Variants in IGSF5 observed in about 807,000 individuals in gnomAD.
IGSF5 encodes immunoglobulin superfamily 5 like.
IGSF5 carries 41 observed loss-of-function variants against 39.4 expected under a neutral mutation model. The ratio of observed to expected loss-of-function variants is 1.04; its 90% CI spans 0.81 to 1.35. The LOEUF is 1.35. Among genes scored for constraint, IGSF5 ranks in the 40% most tolerant of loss-of-function variants. The probability of loss-of-function intolerance (pLI) is 0.00; values close to 1 mark genes in which losing one functional copy is unlikely to be tolerated. For synonymous variants in IGSF5, 183 were observed against 175.3 expected (o/e 1.04, Z -0.34); for missense variants, 487 against 494.6 (o/e 0.98, Z 0.15).
upstream of IGSF5, among the ~76,000 whole-genome samples, chr21:39,742,562 G>A (rs2079952962): frequency 1.3e-5 from 2 of 152,220 alleles, no homozygotes; most frequent in Admixed American, 1.3e-4. Context: ...CTGACTCAGA[G>A]GACCTTCATC....
At chr21:39,784,729 C>T (rs1448854920) in intron 5 of IGSF5, among the ~76,000 whole-genome samples, 1 of 151,014 alleles carries the variant, frequency 6.6e-6, no homozygotes, top group Non-Finnish European at 1.5e-5. Flanking sequence ...TTATGCTATA[C>T]CTTTACATAA....
intron 2 of IGSF5, among the ~76,000 whole-genome samples, chr21:39,755,200 AT>A (rs1310647464): frequency 2.6e-5 from 4 of 152,322 alleles, no homozygotes; most frequent in Middle Eastern, 3.4e-3. Context: ...GTAATTTTTT[AT>A]AACTGGACGA....
Position 39,793,517 on chromosome 21 carries a change from T to C in IGSF5, c.1049-17T>C. The C allele has an allele frequency of 6.2e-7, 1 of 1,607,442 alleles. No homozygotes were observed. Among genetic ancestry groups the C allele is most frequent in the Non-Finnish European group, 8.5e-7 (1 of 1,174,262 alleles). ...TTTTTGCCACTTAATGACTCTAAAA[T>C]TGTTCTTCTGTTGCAGACACCGCTT... On this transcript the variant is annotated splice_polypyrimidine_tract_variant and intron_variant, in intron 7 of 8. Transcript: ENST00000380588.
rs764665390 is a variant in IGSF5, at chr21:39,765,810, C to T, written c.376C>T (p.Gln126Ter). The T allele has an allele frequency of 7.4e-6, 12 of 1,613,854 alleles. No homozygotes were observed. In the South Asian group the frequency reaches 8.8e-5, roughly 12 times the overall value. Residue 126 changes from glutamine (Q) to a stop codon, truncating the protein, a stop_gained, in exon 3 of 9, where the codon CAG becomes TAG. Coordinates refer to ENST00000380588, the MANE Select transcript of IGSF5 (RefSeq NM_001080444.2). LOFTEE classifies it high-confidence loss of function. ...TTCGGGGAACATCAGATGCAGCCTC[C>T]AGAACAGTCGCCTGCATGGATCTGC... Reference protein sequence around the residue: ...SDSGNIRCSLQNSRLHGSAYL... With the variant: ...SDSGNIRCSL
Position 39,746,272 on chromosome 21 carries a change from G to A in IGSF5, c.74G>A (p.Arg25Gln), listed in dbSNP as rs766229391. ...GAATGGAAGTCAGCGGCGGGTCTGC[G>A]ATGGTGGCAAACAGCAGTGGTGGAC... ...LEEWKSAAGLRWWQTAVVDGS... is the reference protein window; with the variant it reads ...LEEWKSAAGLQWWQTAVVDGS... Residue 25 changes from arginine (R) to glutamine (Q), a missense_variant, in exon 2 of 9, where the codon CGA (arginine) becomes CAA (glutamine). Coordinates refer to ENST00000380588, the MANE Select transcript of IGSF5 (RefSeq NM_001080444.2). 7.1e-6 allele frequency: 5 copies of A among 701,424 alleles called. No individual in the cohort carries two copies. The highest frequency in any genetic ancestry group is 5.4e-5 in the East Asian group (2 of 37,284). 43.5% of individuals were successfully genotyped at this position (701,424 alleles called of 1,614,324 possible). A position where few individuals can be genotyped will look rare whatever the true frequency, so the allele number is the denominator to read the frequency against.
At chr21:39,715,821 C>T in the IGSF5 span, among the ~76,000 whole-genome samples, 1 of 151,182 alleles carries the variant, frequency 6.6e-6, no homozygotes, top group Non-Finnish European at 1.5e-5. Context: ...CTTCTTCCAA[C>T]TTTAGGGTGA....
upstream of IGSF5, among the ~76,000 whole-genome samples, chr21:39,741,853 A>G (rs1319565371): frequency 6.6e-6 from 1 of 152,164 alleles, no homozygotes; most frequent in South Asian, 2.1e-4. Context: ...ATAGCTGGGT[A>G]TAGAGGAAAA....
chr21:39,743,188 T>G (rs906861529), upstream of IGSF5, among the ~76,000 whole-genome samples: 1 of 152,234 alleles, frequency 6.6e-6, no homozygotes, highest in Non-Finnish European at 1.5e-5. Flanking sequence ...GGGTCTACAC[T>G]GGGGACTGCC....
rs11908882 is a variant in IGSF5 at position 39,770,965 on chromosome 21, T to A, written c.468T>A (p.Asn156Lys). The change falls in exon 4 of 9, where the codon AAT becomes AAA. Residue 156 changes from asparagine to lysine, a missense_variant. Asn to Lys is a moderately conservative substitution (Grantham distance 94, BLOSUM62 0). Coordinates refer to ENST00000380588, the MANE Select transcript of IGSF5 (RefSeq NM_001080444.2). ...IPSVNLVVAE[N>K]EPCEVTCLPS... The stretch of plus-strand genomic sequence containing the variant: ...GTGTTAATCTTGTAGTCGCTGAGAA[T>A]GAACCTTGTGAAGTTACTTGTCTAC... 7,305 of 1,608,942 alleles carry A rather than the reference T, an allele frequency of 4.5e-3. 235 individuals are homozygous for A. The African/African-American group carries it at 0.078, about 17-fold the overall frequency.
intron 8 of IGSF5, among the ~76,000 whole-genome samples, chr21:39,795,778 G>A (rs927905844): frequency 2.6e-5 from 4 of 152,102 alleles, no homozygotes; most frequent in Non-Finnish European, 4.4e-5. Flanking sequence ...GACTGGTAAC[G>A]TAGTCTCGTG....
At chr21:39,752,450 A>G (rs988458491) in intron 2 of IGSF5, among the ~76,000 whole-genome samples, 2 of 152,118 alleles carry the variant, frequency 1.3e-5, no homozygotes, top group African/African-American at 2.4e-5. Context: ...TATTGTTGCA[A>G]TTGCAATTGT....
intron 4 of IGSF5, among the ~76,000 whole-genome samples, chr21:39,776,772 G>C (rs145040286): frequency 6.6e-6 from 1 of 152,238 alleles, no homozygotes; most frequent in African/African-American, 2.4e-5. Context: ...AGTACTGATA[G>C]AGAGTGTGTG....
chr21:39,724,861 A>G, the IGSF5 span, among the ~76,000 whole-genome samples: 1 of 152,208 alleles, frequency 6.6e-6, no homozygotes, highest in Non-Finnish European at 1.5e-5. Context: ...CTAGGCCTGT[A>G]CATCTCAACT....
In IGSF5 at chr21:39,793,608, C is replaced by T; in HGVS notation, c.1123C>T (p.His375Tyr). The change falls in exon 8 of 9, where the codon CAC becomes TAC. Residue 375 changes from histidine (H) to tyrosine (Y), a missense_variant. Physicochemically the swap from His to Tyr is moderately conservative, Grantham distance 83 (BLOSUM62 2). Coordinates refer to ENST00000380588, the MANE Select transcript of IGSF5 (RefSeq NM_001080444.2). ...EQRNSSCGPP[H>Y]QRADQRPPRP... Reference sequence around the variant, plus strand: ...AAGAAACAGTAGCTGTGGCCCTCCTCACCAGGTAGTTTAGACCATTTTCCC... The same window carrying T: ...AAGAAACAGTAGCTGTGGCCCTCCTTACCAGGTAGTTTAGACCATTTTCCC... 6.2e-7 allele frequency: 1 copy of T among 1,613,490 alleles called. No individual in the cohort carries two copies. The highest frequency in any genetic ancestry group is 1.1e-5 in the South Asian group (1 of 91,046).
chr21:39,746,738 C>T (rs62235514), intron 2 of IGSF5, among the ~76,000 whole-genome samples: 8,134 of 152,210 alleles, frequency 0.053, 337 homozygotes, highest in East Asian at 0.22. Flanking sequence ...AAGACACTTT[C>T]GGAATGGGGG....
chr21:39,761,756 C>T (rs1181465619), intron 2 of IGSF5, among the ~76,000 whole-genome samples: 4 of 152,192 alleles, frequency 2.6e-5, no homozygotes, highest in Admixed American at 6.5e-5. Context: ...GCAGACTCAA[C>T]TTCCTGGCCT....
In IGSF5 at chr21:39,765,819, C is replaced by A; in HGVS notation, c.385C>A (p.Arg129Ser). 1 of 1,613,730 alleles carries A rather than the reference C, an allele frequency of 6.2e-7. No individual in the cohort carries two copies. Among genetic ancestry groups the A allele is most frequent in the East Asian group, 2.2e-5 (1 of 44,832 alleles). Residue 129 changes from arginine to serine, a missense_variant, in exon 3 of 9, where the codon CGC becomes AGC. Transcript: ENST00000380588. ...GNIRCSLQNS[R>S]LHGSAYLTVQ... ...CATCAGATGCAGCCTCCAGAACAGT[C>A]GCCTGCATGGATCTGCTTACCTTAC...
chr21:39,740,331 C>T (rs1019720613), upstream of IGSF5, among the ~76,000 whole-genome samples: 5 of 152,124 alleles, frequency 3.3e-5, no homozygotes, highest in Non-Finnish European at 7.4e-5. Flanking sequence ...AAGACTGCCA[C>T]CTCTTTAGGT....
At chr21:39,801,240 T>A in intron 8 of IGSF5, 22 bp from the exon 9 acceptor site, 1 of 1,600,662 alleles carries the variant, frequency 6.2e-7, no homozygotes, top group Non-Finnish European at 8.6e-7. Flanking sequence ...TTAAATTGAC[T>A]TTTTTCCTCC....
Sources: allele counts gnomAD v4.1 joint callset (sites outside exome capture counted in the v4.1 genomes callset), GRCh38; gene constraint gnomAD v4.1.1; transcripts MANE v1.5; gene names NCBI Gene and HGNC (gene_info 2026-07-23, HGNC 2026-07-21).